Variants in LOC400499 observed in about 807,000 individuals in gnomAD.
At chr16:11,439,100 A>C in the LOC400499 span, among the ~76,000 whole-genome samples, 7 of 151,972 alleles carry the variant, frequency 4.6e-5, no homozygotes, top group Admixed American at 4.6e-4. Context: ...GGTGGGGGGG[A>C]CAGGGCTCCC....
At chr16:11,513,686 C>A in the LOC400499 span, among the ~76,000 whole-genome samples, 1 of 152,050 alleles carries the variant, frequency 6.6e-6, no homozygotes, top group Non-Finnish European at 1.5e-5. Flanking sequence ...CTACCTCGGC[C>A]TCCCAAACCG....
the LOC400499 span, chr16:11,446,605 C>A: frequency 6.5e-7 from 1 of 1,536,124 alleles, no homozygotes; most frequent in Non-Finnish European, 8.7e-7. Context: ...GATGACTTTG[C>A]CATCGTATGG....
At chr16:11,441,232 C>T in the LOC400499 span, among the ~76,000 whole-genome samples, 7 of 152,236 alleles carry the variant, frequency 4.6e-5, no homozygotes, top group East Asian at 5.8e-4. Context: ...GGGCAGGAAG[C>T]GGGGATGGGT....
the LOC400499 span, chr16:11,476,747 C>T: frequency 1.0e-5 from 4 of 399,428 alleles, no homozygotes; most frequent in Admixed American, 4.4e-5. Context: ...CCCTTCCTGC[C>T]GGCACTGGGC....
the LOC400499 span, among the ~76,000 whole-genome samples, chr16:11,491,369 G>A: frequency 6.6e-6 from 1 of 152,116 alleles, no homozygotes; most frequent in Non-Finnish European, 1.5e-5. Flanking sequence ...TCTCTCTTTA[G>A]GATACTGTGT....
the LOC400499 span, among the ~76,000 whole-genome samples, chr16:11,501,222 T>C: frequency 0.63 from 94,782 of 150,760 alleles, 30,374 homozygotes; most frequent in Admixed American, 0.73. Context: ...CACAAGTCCG[T>C]ACCCAGTGCT....
chr16:11,461,120 C>G, the LOC400499 span: 1 of 1,532,824 alleles, frequency 6.5e-7, no homozygotes, highest in Non-Finnish European at 8.7e-7. Flanking sequence ...TCCAGCAGTG[C>G]TGCAGGGACA....
At chr16:11,448,722 CA>C in the LOC400499 span, among the ~76,000 whole-genome samples, 9 of 150,270 alleles carry the variant, frequency 6.0e-5, no homozygotes, top group East Asian at 1.8e-3. Flanking sequence ...ATGAAACTGT[CA>C]AAAAATATAT....
At chr16:11,461,117 G>A in the LOC400499 span, 2 of 1,533,712 alleles carry the variant, frequency 1.3e-6, no homozygotes. Flanking sequence ...CTCTCCAGCA[G>A]TGCTGCAGGG....
At chr16:11,376,113 C>G in the LOC400499 span, among the ~76,000 whole-genome samples, 1 of 152,194 alleles carries the variant, frequency 6.6e-6, no homozygotes, top group Non-Finnish European at 1.5e-5. Context: ...TAGATGGGAA[C>G]TCCTTATCAG....
the LOC400499 span, chr16:11,417,876 G>A: frequency 1.5e-5 from 6 of 398,650 alleles, no homozygotes; most frequent in East Asian, 1.1e-4. Flanking sequence ...ACCACCCTGT[G>A]CAGAGAGAGC....
At chr16:11,399,607 G>A in the LOC400499 span, 1 of 398,820 alleles carries the variant, frequency 2.5e-6, no homozygotes, top group Non-Finnish European at 4.4e-6. Context: ...GGAGCTGATA[G>A]GGAAGAGAAT....
chr16:11,458,935 G>C, the LOC400499 span, among the ~76,000 whole-genome samples: 9 of 151,894 alleles, frequency 5.9e-5, no homozygotes, highest in Admixed American at 5.9e-4. Flanking sequence ...TACTCAGGAG[G>C]CTGAGGCTGG....
the LOC400499 span, chr16:11,407,293 G>T: frequency 2.5e-6 from 1 of 398,656 alleles, no homozygotes; most frequent in Non-Finnish European, 4.4e-6. Flanking sequence ...GCTCCTCCAC[G>T]CCCAAGGCGA....
At chr16:11,487,549 A>G in the LOC400499 span, among the ~76,000 whole-genome samples, 1 of 152,052 alleles carries the variant, frequency 6.6e-6, no homozygotes, top group African/African-American at 2.4e-5. Flanking sequence ...TCAAGAACAG[A>G]GGGAGTCCAG....
the LOC400499 span, among the ~76,000 whole-genome samples, chr16:11,487,847 G>A: frequency 6.6e-6 from 1 of 152,186 alleles, no homozygotes; most frequent in Admixed American, 6.6e-5. Context: ...CAGGCACAGT[G>A]GCTCATGCCT....
the LOC400499 span, among the ~76,000 whole-genome samples, chr16:11,438,972 T>C: frequency 0.46 from 69,410 of 151,846 alleles, 16,117 homozygotes; most frequent in South Asian, 0.57. Context: ...GCCCCATGTC[T>C]CCTGAGGGCC....
chr16:11,496,728 G>T, the LOC400499 span, among the ~76,000 whole-genome samples: 1 of 152,150 alleles, frequency 6.6e-6, no homozygotes, highest in African/African-American at 2.4e-5. Flanking sequence ...GTCTTGGTGT[G>T]CCTATGCATG....
the LOC400499 span, chr16:11,383,539 C>G: frequency 2.6e-6 from 3 of 1,167,856 alleles, no homozygotes; most frequent in East Asian, 3.2e-5. Flanking sequence ...CCTTGAATGA[C>G]AATTATTTGT....
Sources: allele counts gnomAD v4.1 joint callset (sites outside exome capture counted in the v4.1 genomes callset), GRCh38; gene constraint gnomAD v4.1.1; transcripts MANE v1.5.